ICE2: variants seen among roughly 807,000 people sequenced by gnomAD.
ICE2 encodes the protein little elongation complex subunit 2.
Under a neutral mutation model 105.4 loss-of-function variants are expected in ICE2, and 87 were observed. That is an observed-to-expected ratio of 0.83 (90% CI 0.69 to 0.99). The LOEUF is 0.99. ICE2 is among the 50% of genes least tolerant of loss of function. ICE2 has a pLI of 0.00. For missense variants in ICE2, 1,323 were observed against 1,146.7 expected, an observed-to-expected ratio of 1.15 and a Z score of -2.22; for synonymous variants, 399 against 392.0, an observed-to-expected ratio of 1.02 and a Z score of -0.21.
At chr15:60,443,977 T>TA (rs1474577070) in intron 11 of ICE2, among the ~76,000 whole-genome samples, 1 of 152,008 alleles carries the variant, frequency 6.6e-6, no homozygotes, top group Non-Finnish European at 1.5e-5. Flanking sequence ...GGCACATGCT[T>TA]ACAGTTCTAG....
chr15:60,428,803 A>G lies in ICE2; in HGVS notation c.2562-116T>C, dbSNP rs1014059759. ...ATTATGAGAAGATCACACCACCTCT[A>G]AAAATACTTTTATGACAAAATAAGA... is the stretch of plus-strand genomic sequence containing the variant. On this transcript the variant is annotated intron_variant, in intron 14 of 15. Coordinates refer to ENST00000261520, the MANE Select transcript of ICE2 (RefSeq NM_024611.6). The G allele has an allele frequency of 4.9e-6, 5 of 1,011,332 alleles. No homozygotes were observed. In the African/African-American group the frequency reaches 8.1e-5, roughly 16 times the overall value. The allele number at this position is 1,011,332 out of a possible 1,614,324, so 62.6% of individuals were successfully genotyped here.
At chr15:60,459,068 C>T (rs1426158630) in intron 5 of ICE2, among the ~76,000 whole-genome samples, 1 of 152,060 alleles carries the variant, frequency 6.6e-6, no homozygotes, top group African/African-American at 2.4e-5. Context: ...ATGTATTTAA[C>T]GTTATTGAAC....
At chr15:60,455,279 G>C (rs2064073700) in intron 7 of ICE2, 47 bp downstream of exon 7, 1 of 1,544,120 alleles carries the variant, frequency 6.5e-7, no homozygotes, top group Non-Finnish European at 8.9e-7. Flanking sequence ...TATTTTGTGA[G>C]ATATAAAAGA....
intron 15 of ICE2, among the ~76,000 whole-genome samples, chr15:60,425,941 C>G (rs1446721096): frequency 6.6e-6 from 1 of 152,148 alleles, no homozygotes; most frequent in African/African-American, 2.4e-5. Flanking sequence ...TCACCAAAAA[C>G]TTTCCACTGG....
rs1375553821 is a variant in ICE2 at position 60,448,849 on chromosome 15, T to G, written c.2118A>C (p.Gly706=). Reference sequence around the variant, plus strand: ...AGCTCTTTGTAAATATTTACTTACGTCCTTTTGGCTTCTGAAATGCAGAAG... The same window carrying G: ...AGCTCTTTGTAAATATTTACTTACGGCCTTTTGGCTTCTGAAATGCAGAAG... ...GWPSAFQKPK[G]RLPYELQDYV... Residue 706 remains glycine (G), a splice_region_variant and synonymous_variant, in exon 10 of 16, where the codon GGA becomes GGC. Coordinates refer to ENST00000261520, the MANE Select transcript of ICE2 (RefSeq NM_024611.6). 1.9e-6 allele frequency: 3 copies of G among 1,574,166 alleles called. No homozygotes were observed. Among genetic ancestry groups the G allele is most frequent in the Non-Finnish European group, 8.6e-7 (1 of 1,165,830 alleles).
chr15:60,455,771 G>C (rs1283060103), intron 6 of ICE2, among the ~76,000 whole-genome samples: 2 of 151,978 alleles, frequency 1.3e-5, no homozygotes, highest in African/African-American at 4.8e-5. Context: ...GTGTGTGCCA[G>C]CATGCCCAGC....
In ICE2 at chr15:60,468,195, C is replaced by G; in HGVS notation, c.274G>C (p.Val92Leu). ...AAACGAGAGAAACGAGGATAAGGAACTCTTGGTTTTGGAAGAAGAACCATT... is the reference window on the plus strand; with the variant it reads ...AAACGAGAGAAACGAGGATAAGGAAGTCTTGGTTTTGGAAGAAGAACCATT... ...IGMVLLPKPR[V>L]PYPRFSRFSQ... is the part of the protein sequence containing the mutation. The change falls in exon 4 of 16, where the codon GTT (valine) becomes CTT (leucine). Residue 92 changes from valine (V) to leucine (L), a missense_variant. Physicochemically the swap from Val to Leu is conservative, Grantham distance 32 (BLOSUM62 1). Transcript: ENST00000261520. 6.2e-7 allele frequency: 1 copy of G among 1,614,080 alleles called. No individual in the cohort carries two copies. The highest frequency in any genetic ancestry group is 8.5e-7 in the Non-Finnish European group (1 of 1,179,996).
intron 2 of ICE2, 93 bp downstream of exon 2, chr15:60,477,844 C>T: frequency 1.8e-6 from 2 of 1,137,454 alleles, no homozygotes. Context: ...CTGTTTCCTC[C>T]AAATCTCTCT....
chr15:60,452,880 A>G (rs2063999083), intron 9 of ICE2: 2 of 985,314 alleles, frequency 2.0e-6, no homozygotes, highest in African/African-American at 3.5e-5. Flanking sequence ...ACAATCTGGC[A>G]AAATACTTTC....
intron 5 of ICE2, among the ~76,000 whole-genome samples, chr15:60,461,260 T>A (rs2064269189): frequency 6.6e-6 from 1 of 152,098 alleles, no homozygotes. Context: ...AAACACTATT[T>A]AAAAAATTTA....
chr15:60,479,082 G>A lies in ICE2; in HGVS notation c.-172C>T. On this transcript the variant is annotated 5_prime_UTR_variant, in exon 1 of 16. Transcript: ENST00000261520. ...CACCCCACTCCTCACATTGTCGCGCGCGCCCAAAAAAGACCATATTTAAAG... is the reference window on the plus strand; with the variant it reads ...CACCCCACTCCTCACATTGTCGCGCACGCCCAAAAAAGACCATATTTAAAG... 2 of 449,638 alleles carry A rather than the reference G, an allele frequency of 4.4e-6. No individual in the cohort carries two copies. Among genetic ancestry groups the A allele is most frequent in the Admixed American group, 2.4e-5 (1 of 42,254 alleles). The allele number at this position is 449,638 out of a possible 1,614,324, so 27.9% of individuals were successfully genotyped here. A position where few individuals can be genotyped will look rare whatever the true frequency, so the allele number is the denominator to read the frequency against.
intron 8 of ICE2, among the ~76,000 whole-genome samples, chr15:60,454,094 A>C: frequency 6.6e-6 from 1 of 152,186 alleles, no homozygotes; most frequent in Admixed American, 6.5e-5. Context: ...AAAGTGATGA[A>C]ATATTTACCA....
intron 10 of ICE2, 88 bp from the exon 11 acceptor site, chr15:60,448,233 A>T (rs2063869250): frequency 1.2e-6 from 1 of 806,732 alleles, no homozygotes; most frequent in South Asian, 2.0e-5. Context: ...ACTATTTTAA[A>T]ACTTCTATCA....
intron 5 of ICE2, among the ~76,000 whole-genome samples, chr15:60,466,313 G>T (rs1257733960): frequency 6.6e-6 from 1 of 152,218 alleles, no homozygotes; most frequent in Non-Finnish European, 1.5e-5. Context: ...CACAAGGGAA[G>T]TCAGTGGGTC....
intron 15 of ICE2, among the ~76,000 whole-genome samples, chr15:60,426,111 G>GT (rs2140986182): frequency 6.6e-6 from 1 of 152,296 alleles, no homozygotes; most frequent in African/African-American, 2.4e-5. Flanking sequence ...TTGAACTGTT[G>GT]TAATTATGTG....
chr15:60,439,291 T>G (rs1211106383), intron 12 of ICE2: 1 of 152,284 alleles, frequency 6.6e-6, no homozygotes, highest in Non-Finnish European at 1.5e-5. Flanking sequence ...TAAAGTGTTT[T>G]CTTCATGAAA....
chr15:60,436,380 C>G (rs574855150), intron 12 of ICE2, among the ~76,000 whole-genome samples, 153 bp from the exon 13 acceptor site: 1 of 151,724 alleles, frequency 6.6e-6, no homozygotes, highest in African/African-American at 2.4e-5. Context: ...TTTATTAAGT[C>G]TTAAGTAAAG....
Position 60,456,647 on chromosome 15 carries a change from TA to T in ICE2, c.666+9del. 1 of 1,545,960 alleles carries T rather than the reference TA, an allele frequency of 6.5e-7. No homozygotes were observed. Among genetic ancestry groups the T allele is most frequent in the Admixed American group, 1.9e-5 (1 of 52,296 alleles). ...AAAAAAAGCTTATATCGTCTGATAA[TA>T]AACCTTACCAATGCGAGAAGAGTTT... On this transcript the variant is annotated intron_variant, in intron 6 of 15. Transcript: ENST00000261520.
intron 1 of ICE2, 145 bp from the exon 2 acceptor site, chr15:60,478,214 T>C (rs974963510): frequency 3.6e-6 from 2 of 561,132 alleles, no homozygotes; most frequent in East Asian, 2.9e-5. Context: ...AGGTTCTTTG[T>C]AGCAGAGCAG....
Sources: allele counts gnomAD v4.1 joint callset (sites outside exome capture counted in the v4.1 genomes callset), GRCh38; gene constraint gnomAD v4.1.1; transcripts MANE v1.5; gene names NCBI Gene and HGNC (gene_info 2026-07-23, HGNC 2026-07-21).